The following DYNLT2 variants were observed in gnomAD, a reference collection of about 807,000 sequenced individuals.
DYNLT2 encodes the protein dynein light chain Tctex-type protein 2.
In DYNLT2, 24 loss-of-function variants were observed where a neutral mutation model predicts 24.3. The observed-to-expected ratio is 0.99, with a 90% CI of 0.71 to 1.39. The LOEUF (loss-of-function observed/expected upper bound fraction) is 1.39. Ranked by LOEUF, DYNLT2 falls within the 40% of genes most tolerant of loss-of-function variation. The pLI is 0.00. For missense variants in DYNLT2, 246 were observed against 234.5 expected, an observed-to-expected ratio of 1.05 and a Z score of -0.32; for synonymous variants, 85 against 85.4, an observed-to-expected ratio of 1.00 and a Z score of 0.03.
the DYNLT2 span, among the ~76,000 whole-genome samples, chr6:169,730,773 C>G: frequency 6.6e-6 from 1 of 152,150 alleles, no homozygotes; most frequent in African/African-American, 2.4e-5. Context: ...TGGCAGGCGC[C>G]TGTAGTCCCA....
chr6:169,740,394 C>A, intron 3 of DYNLT2, 99 bp from the exon 4 acceptor site: 1 of 710,500 alleles, frequency 1.4e-6, no homozygotes, highest in South Asian at 1.6e-5. Flanking sequence ...GCATCAGTAT[C>A]TCAGAAATTA....
the DYNLT2 span, among the ~76,000 whole-genome samples, chr6:169,731,547 A>G: frequency 6.6e-6 from 1 of 152,200 alleles, no homozygotes; most frequent in Admixed American, 6.5e-5. Context: ...ATACAAAAGA[A>G]GTTCAGTGAA....
intron 1 of DYNLT2, among the ~76,000 whole-genome samples, chr6:169,746,237 C>G (rs1487533990): frequency 6.6e-6 from 1 of 152,034 alleles, no homozygotes; most frequent in Non-Finnish European, 1.5e-5. Context: ...TACCTGATTT[C>G]AATTTCATCA....
chr6:169,742,978 A>G, intron 3 of DYNLT2, 102 bp downstream of exon 3: 1 of 891,852 alleles, frequency 1.1e-6, no homozygotes, highest in Non-Finnish European at 1.6e-6. Context: ...GTACCTCAGA[A>G]TCTATGGCAT....
At chr6:169,731,940 G>GGTT in the DYNLT2 span, among the ~76,000 whole-genome samples, 1 of 152,142 alleles carries the variant, frequency 6.6e-6, no homozygotes, top group East Asian at 1.9e-4. Flanking sequence ...TTAGGAAAAA[G>GGTT]GTATAATTCT....
In DYNLT2 at chr6:169,751,330, C is replaced by T; in HGVS notation, c.120+9G>A. ...GCCGTCTCGGGCCCCTAGCAGTCTC[C>T]GCACTCACTGCCTCCTTCTCGAACA... On this transcript the variant is annotated intron_variant, in intron 1 of 3. Coordinates refer to ENST00000366774, the MANE Select transcript of DYNLT2 (RefSeq NM_174910.3). 6.2e-7 allele frequency: 1 copy of T among 1,613,120 alleles called. No individual in the cohort carries two copies. The highest frequency in any genetic ancestry group is 1.1e-5 in the South Asian group (1 of 90,990).
At chr6:169,736,139 TTTG>T (rs1046235009), downstream of DYNLT2, among the ~76,000 whole-genome samples, 13 of 121,732 alleles carry the variant, frequency 1.1e-4, no homozygotes, top group South Asian at 2.8e-4. Flanking sequence ...CGTTTTTTTG[TTTG>T]TTTTTTTTTT....
Position 169,744,314 on chromosome 6 carries a change from A to G in DYNLT2, c.121-40T>C, listed in dbSNP as rs762951077. ...GAGAGGGGAAGAGAGAAAGGCAGAA[A>G]GATTACTTTTTAAACTGTAAATGAG... On this transcript the variant is annotated intron_variant, in intron 1 of 3. Transcript: ENST00000366774. 4.4e-5 allele frequency: 69 copies of G among 1,555,234 alleles called. 1 individual carries two copies. The South Asian group carries it at 7.7e-4, about 17-fold the overall frequency.
chr6:169,732,662 A>T, the DYNLT2 span, among the ~76,000 whole-genome samples: 2 of 152,140 alleles, frequency 1.3e-5, no homozygotes, highest in African/African-American at 4.8e-5. Context: ...TATGTACCAC[A>T]TTTTCTTTAT....
chr6:169,734,393 C>T, the DYNLT2 span, among the ~76,000 whole-genome samples: 3 of 152,092 alleles, frequency 2.0e-5, no homozygotes, highest in African/African-American at 7.2e-5. Flanking sequence ...CAGCTTTTGC[C>T]CATTCAATAT....
In DYNLT2 at chr6:169,751,541, G is replaced by T; in HGVS notation, c.-83C>A. 6.2e-7 allele frequency: 1 copy of T among 1,610,684 alleles called. No individual in the cohort carries two copies. Among genetic ancestry groups the T allele is most frequent in the Non-Finnish European group, 8.5e-7 (1 of 1,178,848 alleles). ...CCTAGCCAGTCCCGCGAGGGCGGAAGTCTCCCACCTGCGCCTCGTACGGTA... is the reference window on the plus strand; with the variant it reads ...CCTAGCCAGTCCCGCGAGGGCGGAATTCTCCCACCTGCGCCTCGTACGGTA... On this transcript the variant is annotated 5_prime_UTR_variant, in exon 1 of 4. Transcript: ENST00000366774.
chr6:169,743,946 C>T, intron 2 of DYNLT2, 122 bp downstream of exon 2: 1 of 903,416 alleles, frequency 1.1e-6, no homozygotes, highest in Non-Finnish European at 1.7e-6. Context: ...GACACAATAC[C>T]TTCTGGTTCT....
intron 3 of DYNLT2, among the ~76,000 whole-genome samples, chr6:169,742,386 G>T (rs1279918735): frequency 6.6e-6 from 1 of 152,132 alleles, no homozygotes; most frequent in Non-Finnish European, 1.5e-5. Flanking sequence ...ATTCTAAATT[G>T]TGCTGCTTTA....
chr6:169,743,999 TA>T (rs2128335842), intron 2 of DYNLT2, 68 bp downstream of exon 2: 1 of 1,442,252 alleles, frequency 6.9e-7, no homozygotes, highest in African/African-American at 1.4e-5. Flanking sequence ...AATTTCTTCG[TA>T]TATATAATTT....
At chr6:169,731,191 C>G in the DYNLT2 span, among the ~76,000 whole-genome samples, 7 of 152,100 alleles carry the variant, frequency 4.6e-5, no homozygotes, top group Admixed American at 3.9e-4. Context: ...GTGAGAGAGA[C>G]GTTGGATTGA....
the DYNLT2 span, among the ~76,000 whole-genome samples, chr6:169,726,450 C>T: frequency 6.6e-6 from 1 of 152,094 alleles, no homozygotes; most frequent in Non-Finnish European, 1.5e-5. Context: ...GGTTTCAAGC[C>T]CCAAACAGGC....
the DYNLT2 span, among the ~76,000 whole-genome samples, chr6:169,730,197 A>G: frequency 6.6e-6 from 1 of 152,124 alleles, no homozygotes; most frequent in Admixed American, 6.5e-5. Flanking sequence ...CAAAGTGAGG[A>G]CTGCCTTGTT....
intron 1 of DYNLT2, chr6:169,750,896 C>G (rs1396602457): frequency 2.6e-5 from 4 of 153,124 alleles, no homozygotes; most frequent in African/African-American, 9.7e-5. Context: ...AAACCCAAAA[C>G]ATGGCACTAT....
chr6:169,747,654 A>T (rs908835411), intron 1 of DYNLT2, among the ~76,000 whole-genome samples: 7 of 152,206 alleles, frequency 4.6e-5, no homozygotes, highest in Non-Finnish European at 1.0e-4. Context: ...TACACTCTTA[A>T]ATATATGGAA....
Sources: allele counts gnomAD v4.1 joint callset (sites outside exome capture counted in the v4.1 genomes callset), GRCh38; gene constraint gnomAD v4.1.1; transcripts MANE v1.5; gene names NCBI Gene and HGNC (gene_info 2026-07-23, HGNC 2026-07-21).